SNTG1: variants seen among roughly 807,000 people sequenced by gnomAD.
The protein encoded by SNTG1 is syntrophin gamma 1, also known as gamma-1-syntrophin.
Under a neutral mutation model 74.7 loss-of-function variants are expected in SNTG1, and 39 were observed. The observed-to-expected ratio is 0.52, with a 90% CI of 0.40 to 0.68. SNTG1 has a LOEUF of 0.68. SNTG1 is among the 30% of genes least tolerant of loss of function. The pLI is 0.00. For missense variants in SNTG1, 685 were observed against 609.5 expected, an observed-to-expected ratio of 1.12 and a Z score of -1.30; for synonymous variants, 254 against 217.1, an observed-to-expected ratio of 1.17 and a Z score of -1.49.
chr8:50,783,153 C>A (rs917348637), intron 18 of SNTG1, among the ~76,000 whole-genome samples: 3 of 152,120 alleles, frequency 2.0e-5, no homozygotes, highest in Non-Finnish European at 4.4e-5. Flanking sequence ...GGGTCAGGGA[C>A]CCACTTGAGG....
chr8:50,250,754 G>T (rs1238333196), intron 2 of SNTG1, among the ~76,000 whole-genome samples: 3 of 152,002 alleles, frequency 2.0e-5, no homozygotes, highest in Admixed American at 6.6e-5. Context: ...ATCCAGCAAA[G>T]CTATTCTTCA....
intron 15 of SNTG1, among the ~76,000 whole-genome samples, chr8:50,672,407 G>GT (rs2095288465): frequency 6.6e-6 from 1 of 151,850 alleles, no homozygotes; most frequent in Non-Finnish European, 1.5e-5. Context: ...TCTCATTGTG[G>GT]TTAGATTTGC....
Position 50,097,651 on chromosome 8 carries a change from C to CA in SNTG1, c.-102-74899dup, listed in dbSNP as rs1160437265. 4.5e-3 allele frequency among the ~76,000 whole-genome samples: 527 copies of CA among 116,910 alleles called. 2 individuals carry two copies. The highest frequency in any genetic ancestry group is 0.015 in the South Asian group (50 of 3,288). The allele number at this position is 116,910 out of a possible 152,430, so 76.7% of individuals were successfully genotyped here. ...TGGGCGACAAAATGAGACTCCGTCT[C>CA]AAAAAAAAAAACAAAAAACGAAACT... On this transcript the variant is annotated intron_variant, in intron 1 of 18. Coordinates refer to ENST00000642720, the MANE Select transcript of SNTG1 (RefSeq NM_018967.5).
chr8:50,759,672 T>C (rs556610291), intron 18 of SNTG1, among the ~76,000 whole-genome samples: 1 of 151,966 alleles, frequency 6.6e-6, no homozygotes. Context: ...TATATATATA[T>C]ATTGGTACCA....
At chr8:50,607,340 G>A (rs2130964087) in intron 13 of SNTG1, among the ~76,000 whole-genome samples, 1 of 151,536 alleles carries the variant, frequency 6.6e-6, no homozygotes, top group Non-Finnish European at 1.5e-5. Context: ...TCTAGTCCTG[G>A]AATTTGATTT....
At chr8:50,319,672 G>A (rs1033882777) in intron 2 of SNTG1, among the ~76,000 whole-genome samples, 3 of 152,042 alleles carry the variant, frequency 2.0e-5, no homozygotes, top group African/African-American at 7.2e-5. Context: ...ACTTTTTTCA[G>A]TTTTTCCCCA....
chr8:50,582,260 CTTCA>C (rs1451196963), intron 12 of SNTG1, among the ~76,000 whole-genome samples: 4 of 152,152 alleles, frequency 2.6e-5, no homozygotes, highest in Non-Finnish European at 4.4e-5. Context: ...TATTCTCTGT[CTTCA>C]TTCATTCAAC....
intron 1 of SNTG1, among the ~76,000 whole-genome samples, chr8:49,991,591 T>G (rs1393390313): frequency 1.3e-5 from 2 of 152,022 alleles, no homozygotes; most frequent in Non-Finnish European, 2.9e-5. Flanking sequence ...GGAAGAATAT[T>G]TGAGAATAAG....
intron 8 of SNTG1, among the ~76,000 whole-genome samples, chr8:50,498,589 T>C (rs552003770): frequency 4.6e-5 from 7 of 152,036 alleles, no homozygotes; most frequent in African/African-American, 1.4e-4. Flanking sequence ...TGGTTCAATT[T>C]TGATTACTCC....
chr8:50,691,100 G>C (rs150496781), intron 15 of SNTG1, among the ~76,000 whole-genome samples: 5,440 of 152,050 alleles, frequency 0.036, 135 homozygotes, highest in South Asian at 0.12. Flanking sequence ...CCATTTGCTT[G>C]GTAGATCTCC....
chr8:50,542,800 A>C (rs2130483217), intron 11 of SNTG1, among the ~76,000 whole-genome samples: 1 of 152,214 alleles, frequency 6.6e-6, no homozygotes, highest in East Asian at 1.9e-4. Flanking sequence ...CTGGGGTGAG[A>C]TATCTCATTG....
intron 1 of SNTG1, among the ~76,000 whole-genome samples, chr8:50,134,730 TAGATAGA>T (rs1201991506): frequency 6.6e-6 from 1 of 151,996 alleles, no homozygotes; most frequent in African/African-American, 2.4e-5. Flanking sequence ...TGAGCGGTTA[TAGATAGA>T]AGAAGGGGCA....
At chr8:50,350,793 A>G (rs904780099) in intron 2 of SNTG1, among the ~76,000 whole-genome samples, 13 of 152,186 alleles carry the variant, frequency 8.5e-5, no homozygotes, top group Non-Finnish European at 1.6e-4. Context: ...TGTCTAGCTC[A>G]GGGATTGTAA....
At chr8:50,560,489 T>C (rs1413776784) in intron 12 of SNTG1, among the ~76,000 whole-genome samples, 2 of 152,052 alleles carry the variant, frequency 1.3e-5, no homozygotes, top group African/African-American at 2.4e-5. Context: ...AAATAGTAGA[T>C]TGAATAAAGA....
chr8:50,178,505 AC>A (rs2083084065), intron 2 of SNTG1, among the ~76,000 whole-genome samples: 1 of 152,148 alleles, frequency 6.6e-6, no homozygotes, highest in African/African-American at 2.4e-5. Flanking sequence ...GCCATTATAG[AC>A]AATACTAATT....
chr8:50,136,764 A>G (rs2081488064), intron 1 of SNTG1, among the ~76,000 whole-genome samples: 2 of 152,114 alleles, frequency 1.3e-5, no homozygotes, highest in South Asian at 4.1e-4. Flanking sequence ...GTAAAAGGAC[A>G]TCATGTGAAA....
At chr8:50,038,278 C>T (rs1287603556) in intron 1 of SNTG1, among the ~76,000 whole-genome samples, 2 of 152,106 alleles carry the variant, frequency 1.3e-5, no homozygotes, top group Non-Finnish European at 1.5e-5. Flanking sequence ...GTGGACTAAT[C>T]GTAGATGTGT....
intron 1 of SNTG1, among the ~76,000 whole-genome samples, chr8:49,938,832 T>C (rs1182736459): frequency 6.6e-6 from 1 of 151,844 alleles, no homozygotes; most frequent in African/African-American, 2.4e-5. Context: ...TCAAATCTTG[T>C]TCTAGATGTT....
At chr8:50,692,421 G>T (rs2095385129) in intron 15 of SNTG1, among the ~76,000 whole-genome samples, 1 of 152,090 alleles carries the variant, frequency 6.6e-6, no homozygotes, top group African/African-American at 2.4e-5. Context: ...CATACAGATG[G>T]GTTTTTGGTG....
Sources: allele counts gnomAD v4.1 joint callset (sites outside exome capture counted in the v4.1 genomes callset), GRCh38; gene constraint gnomAD v4.1.1; transcripts MANE v1.5; gene names NCBI Gene and HGNC (gene_info 2026-07-23, HGNC 2026-07-21).